NBPF26: variants seen among roughly 807,000 people sequenced by gnomAD.
NBPF26 encodes the protein NBPF member 26.
A neutral mutation model predicts 119.6 loss-of-function variants in NBPF26; 79 were observed. That is an observed-to-expected ratio of 0.66 (90% CI 0.55 to 0.80). The LOEUF is 0.80. NBPF26 is among the 30% of genes least tolerant of loss of function. NBPF26 has a pLI of 0.00. For missense variants in NBPF26, 800 were observed against 1,198.2 expected, an observed-to-expected ratio of 0.67 and a Z score of 4.91; for synonymous variants, 299 against 457.7, an observed-to-expected ratio of 0.65 and a Z score of 4.43.
intron 2 of NBPF26, among the ~76,000 whole-genome samples, chr1:120,770,378 C>A (rs1489254838): frequency 2.7e-5 from 3 of 110,596 alleles, no homozygotes; most frequent in Admixed American, 8.6e-5. Flanking sequence ...ACTGTGTTAG[C>A]CAGGATGGTC....
At chr1:120,808,311 GA>G (rs1651758664) in intron 6 of NBPF26, among the ~76,000 whole-genome samples, 1 of 118,788 alleles carries the variant, frequency 8.4e-6, no homozygotes, top group African/African-American at 4.4e-5. Context: ...GTTTACAGAA[GA>G]GAAAGATGAA....
Position 120,770,698 on chromosome 1 carries a change from C to G in NBPF26, c.155+6989C>G, listed in dbSNP as rs1358492824. On this transcript the variant is annotated intron_variant, in intron 2 of 29. Coordinates refer to ENST00000620612, the Ensembl canonical transcript of NBPF26. ...CACTCAAGATCCCATCACTCTGTAG[C>G]TAACCTGAGATATACTCGTGGAAAA... Among the ~76,000 whole-genome samples the G allele has an allele frequency of 1.7e-5, 2 of 120,040 alleles. 1 individual carries two copies. Among genetic ancestry groups the G allele is most frequent in the Non-Finnish European group, 3.2e-5 (2 of 61,612 alleles). 78.8% of individuals were successfully genotyped at this position (120,040 alleles called of 152,430 possible). A position where few individuals can be genotyped will look rare whatever the true frequency, so the allele number is the denominator to read the frequency against.
intron 4 of NBPF26, 54 bp downstream of exon 4, chr1:120,793,550 G>T: frequency 9.1e-7 from 1 of 1,103,730 alleles, no homozygotes; most frequent in East Asian, 2.5e-5. Context: ...AGCACAGGAG[G>T]TAGTGGGTGT....
At chr1:120,728,706 A>T (rs2101343127) in intron 1 of NBPF26, among the ~76,000 whole-genome samples, 1 of 117,098 alleles carries the variant, frequency 8.5e-6, no homozygotes, top group East Asian at 2.1e-4. Context: ...GAGTTAACTA[A>T]GTTTATATTT....
chr1:120,840,465 A>T lies in NBPF26; in HGVS notation c.4219A>T (p.Arg1407Ter), dbSNP rs1553273500. 6.8e-7 allele frequency: 1 copy of T among 1,478,744 alleles called. No homozygotes were observed. The highest frequency in any genetic ancestry group is 2.4e-4 in the Middle Eastern group (1 of 4,202). The allele number at this position is 1,478,744 out of a possible 1,614,324, so 91.6% of individuals were successfully genotyped here. Residue 1407 changes from arginine to a stop codon, truncating the protein, a stop_gained, in exon 30 of 30, where the codon AGA (arginine) becomes TGA (stop). Transcript: ENST00000620612. LOFTEE classifies it low-confidence loss of function (END_TRUNC). ...ACTACCTGACTCATTCCAGCACTAC[A>T]GAAGTGTGTTTTACTCATTTGAGGA...
rs1650999807 is a variant in NBPF26, at chr1:120,749,344, AG to A, written c.74-14283del. 2.6e-5 allele frequency among the ~76,000 whole-genome samples: 2 copies of A among 76,392 alleles called. 1 individual carries two copies. Among genetic ancestry groups the A allele is most frequent in the African/African-American group, 2.4e-4 (2 of 8,424 alleles). 50.1% of individuals were successfully genotyped at this position (76,392 alleles called of 152,430 possible). A position where few individuals can be genotyped will look rare whatever the true frequency, so the allele number is the denominator to read the frequency against. ...AGTTGGAGAGAAGCAGACCAGATGA[AG>A]AAAATACTTTATCTCTTATGGCATT... On this transcript the variant is annotated intron_variant, in intron 1 of 29. Transcript: ENST00000620612.
intron 10 of NBPF26, among the ~76,000 whole-genome samples, chr1:120,813,093 G>C (rs1413308649): frequency 8.4e-6 from 1 of 119,538 alleles, no homozygotes; most frequent in Non-Finnish European, 1.6e-5. Flanking sequence ...GCAGTGTACA[G>C]AGCAGGGACC....
chr1:120,802,390 T>A (rs1651592809), intron 4 of NBPF26, among the ~76,000 whole-genome samples: 1 of 126,084 alleles, frequency 7.9e-6, no homozygotes, highest in South Asian at 2.4e-4. Flanking sequence ...ACAAGAAGAT[T>A]TTCAAGGCAG....
chr1:120,781,889 G>T (rs1651366292), intron 2 of NBPF26, among the ~76,000 whole-genome samples: 1 of 113,854 alleles, frequency 8.8e-6, no homozygotes, highest in African/African-American at 5.2e-5. Context: ...TCTAAGCTTC[G>T]AGTTCCTCAT....
In NBPF26 at chr1:120,801,584, C is replaced by T. The variant is rs1254003779; in HGVS notation, c.752-3972C>T. Among the ~76,000 whole-genome samples, 3 of 97,458 alleles carry T rather than the reference C, an allele frequency of 3.1e-5. No homozygotes were observed. The South Asian group carries it at 9.1e-4, about 29-fold the overall frequency. The allele number at this position is 97,458 out of a possible 152,430, so 63.9% of individuals were successfully genotyped here. A position where few individuals can be genotyped will look rare whatever the true frequency, so the allele number is the denominator to read the frequency against. On this transcript the variant is annotated intron_variant, in intron 4 of 29. Transcript: ENST00000620612. The stretch of plus-strand genomic sequence containing the variant: ...GTGGTTTACTCCTGTAATCCCAGCA[C>T]TTTTGGAGGCCTAGGTGGGAGGATC...
In NBPF26 at chr1:120,805,786, A is replaced by G. The variant is rs1553269819; in HGVS notation, c.961+21A>G. ...ATACAGTAAGATCTATAGGCTCACC[A>G]TCATGAAAGTGATGAATGATATCCT... is the stretch of plus-strand genomic sequence containing the variant. On this transcript the variant is annotated intron_variant, in intron 5 of 29. Transcript: ENST00000620612. The G allele has an allele frequency of 1.1e-4, 145 of 1,339,778 alleles. 19 individuals carry two copies. Among genetic ancestry groups the G allele is most frequent in the Middle Eastern group, 5.0e-4 (2 of 3,984 alleles). 83.0% of individuals were successfully genotyped at this position (1,339,778 alleles called of 1,614,324 possible).
At chr1:120,805,263 C>A (rs1354755112) in intron 4 of NBPF26, among the ~76,000 whole-genome samples, 1 of 125,526 alleles carries the variant, frequency 8.0e-6, no homozygotes, top group Non-Finnish European at 1.6e-5. Context: ...GTTTCCATGA[C>A]ACCCCCACCT....
rs1196229987 is a variant in NBPF26 at position 120,745,239 on chromosome 1, C to T, written c.74-18389C>T. On this transcript the variant is annotated intron_variant, in intron 1 of 29. Transcript: ENST00000620612. ...TTTTTTAAACTGCAGATCATGACCA[C>T]GAATGGGTCATGAAACCAATTTGGT... Among the ~76,000 whole-genome samples the T allele has an allele frequency of 1.8e-4, 20 of 108,646 alleles. 3 individuals are homozygous for T. Among genetic ancestry groups the T allele is most frequent in the Non-Finnish European group, 2.6e-4 (15 of 57,668 alleles). The allele number at this position is 108,646 out of a possible 152,430, so 71.3% of individuals were successfully genotyped here.
chr1:120,763,723 T>C lies in NBPF26; in HGVS notation c.155+14T>C, dbSNP rs1402093892. ...AGGATACTGCAAGTAAGTTTTTCTCTTCATATATTTTCTTTTTGCGATAGA... is the reference window on the plus strand; with the variant it reads ...AGGATACTGCAAGTAAGTTTTTCTCCTCATATATTTTCTTTTTGCGATAGA... On this transcript the variant is annotated intron_variant, in intron 2 of 29. Coordinates refer to ENST00000620612, the Ensembl canonical transcript of NBPF26. 8.6e-6 allele frequency: 10 copies of C among 1,162,984 alleles called. 3 individuals are homozygous for C. Among genetic ancestry groups the C allele is most frequent in the Middle Eastern group, 3.9e-4 (2 of 5,130 alleles). 72.0% of individuals were successfully genotyped at this position (1,162,984 alleles called of 1,614,324 possible). A position where few individuals can be genotyped will look rare whatever the true frequency, so the allele number is the denominator to read the frequency against.
rs1157189598 is a variant in NBPF26, at chr1:120,762,052, TTGG to T, written c.74-1571_74-1569del. On this transcript the variant is annotated intron_variant, in intron 1 of 29. Transcript: ENST00000620612. ...TTCAGGTAATGGGAAGCAGTGTATC[TTGG>T]TGGTTAAGGGCAGAGTCTCTGGATT... 9.8e-5 allele frequency among the ~76,000 whole-genome samples: 11 copies of T among 111,838 alleles called. 1 individual carries two copies. Among genetic ancestry groups the T allele is most frequent in the Non-Finnish European group, 1.9e-4 (11 of 59,038 alleles). 73.4% of individuals were successfully genotyped at this position (111,838 alleles called of 152,430 possible). A position where few individuals can be genotyped will look rare whatever the true frequency, so the allele number is the denominator to read the frequency against.
intron 16 of NBPF26, among the ~76,000 whole-genome samples, chr1:120,822,676 C>G (rs78923071): frequency 5.9e-4 from 62 of 104,678 alleles, no homozygotes; most frequent in African/African-American, 3.2e-3. Flanking sequence ...TTTACCTGCC[C>G]AAGGCCAGTG....
At position 120,728,831 on chromosome 1, in the gene NBPF26, A is replaced by T. The variant is rs1249883684; in HGVS notation, c.73+4581A>T. On this transcript the variant is annotated intron_variant, in intron 1 of 29. Coordinates refer to ENST00000620612, the Ensembl canonical transcript of NBPF26. ...TATTTGCTTTTTTTTTTTTTGAACC[A>T]AGAGAGTCCCCTGAACACCCTACTG... Among the ~76,000 whole-genome samples the T allele has an allele frequency of 2.7e-5, 3 of 110,016 alleles. 1 individual carries two copies. The highest frequency in any genetic ancestry group is 1.7e-4 in the African/African-American group (3 of 17,696). 72.2% of individuals were successfully genotyped at this position (110,016 alleles called of 152,430 possible). A position where few individuals can be genotyped will look rare whatever the true frequency, so the allele number is the denominator to read the frequency against.
chr1:120,777,733 CT>C lies in NBPF26; in HGVS notation c.156-7234del, dbSNP rs1231073924. ...GAAGTAGTATGACAGAGCTTCTTCT[CT>C]TTTTTTCCCCTCTTTACCAGGAAGT... On this transcript the variant is annotated intron_variant, in intron 2 of 29. Transcript: ENST00000620612. 2.2e-5 allele frequency among the ~76,000 whole-genome samples: 2 copies of C among 89,792 alleles called. 1 individual carries two copies. The highest frequency in any genetic ancestry group is 6.9e-4 in the South Asian group (2 of 2,884). The allele number at this position is 89,792 out of a possible 152,430, so 58.9% of individuals were successfully genotyped here.
chr1:120,779,458 A>T lies in NBPF26; in HGVS notation c.156-5516A>T, dbSNP rs1156708319. Among the ~76,000 whole-genome samples the T allele has an allele frequency of 1.7e-5, 2 of 116,636 alleles. 1 individual carries two copies. The highest frequency in any genetic ancestry group is 3.4e-5 in the Non-Finnish European group (2 of 58,430). 76.5% of individuals were successfully genotyped at this position (116,636 alleles called of 152,430 possible). ...CCTCATCTGCGAAGTATGTTCTTTCAGAGTTCAATGCTAGAGAAGAGAGAG... is the reference window on the plus strand; with the variant it reads ...CCTCATCTGCGAAGTATGTTCTTTCTGAGTTCAATGCTAGAGAAGAGAGAG... On this transcript the variant is annotated intron_variant, in intron 2 of 29. Transcript: ENST00000620612.
Sources: gnomAD v4.1 joint callset for allele counts (sites outside exome capture counted in the v4.1 genomes callset) on GRCh38, gnomAD v4.1.1 for gene constraint, MANE v1.5 for transcripts, NCBI Gene and HGNC (gene_info 2026-07-23, HGNC 2026-07-21) for gene names.